CCDC88A: variants seen among roughly 807,000 people sequenced by gnomAD.
The protein encoded by CCDC88A is girdin.
CCDC88A carries 54 observed loss-of-function variants against 234.3 expected under a neutral mutation model. The ratio of observed to expected loss-of-function variants is 0.23; its 90% CI spans 0.19 to 0.29. The LOEUF is 0.29. Ranked by LOEUF, CCDC88A falls within the 10% of genes least tolerant of loss-of-function variation. The probability of loss-of-function intolerance (pLI) is 1.00; values close to 1 mark genes in which losing one functional copy is unlikely to be tolerated. For missense variants in CCDC88A, 1,832 were observed against 2,123.4 expected (o/e 0.86, Z 2.70); for synonymous variants, 753 against 737.8 (o/e 1.02, Z -0.33).
At chr2:55,319,994 T>C (rs1045161378) in intron 18 of CCDC88A, among the ~76,000 whole-genome samples, 1 of 152,156 alleles carries the variant, frequency 6.6e-6, no homozygotes, top group Non-Finnish European at 1.5e-5. Flanking sequence ...TTATATACAC[T>C]GCATGTCACT....
At position 55,289,781 on chromosome 2, in the gene CCDC88A, G is replaced by GAGAGAA. The variant is rs1679319603; in HGVS notation, c.*1418_*1419insTTCTCT. The GAGAGAA allele has an allele frequency of 1.0e-4, 1 of 9,892 alleles. No homozygotes were observed. The highest frequency in any genetic ancestry group is 1.1e-4 in the African/African-American group (1 of 9,254). The allele number at this position is 9,892 out of a possible 1,614,324, so 0.6% of individuals were successfully genotyped here. A position where few individuals can be genotyped will look rare whatever the true frequency, so the allele number is the denominator to read the frequency against. ...AGAGAAAGAGGGAGAGAGAAAGAGA[G>GAGAGAA]AGAGAGAGAGAGAGAGAGAGAGACT... is the stretch of plus-strand genomic sequence containing the variant. On this transcript the variant is annotated 3_prime_UTR_variant, in exon 33 of 33. Transcript: ENST00000436346.
At chr2:55,359,024 G>C (rs1012075598) in intron 7 of CCDC88A, among the ~76,000 whole-genome samples, 29 of 152,056 alleles carry the variant, frequency 1.9e-4, no homozygotes, top group African/African-American at 6.5e-4. Context: ...CTCTAACAAA[G>C]CTGACAGATA....
chr2:55,298,889 A>G (rs913627425), intron 29 of CCDC88A, among the ~76,000 whole-genome samples: 2 of 151,362 alleles, frequency 1.3e-5, no homozygotes, highest in Non-Finnish European at 2.9e-5. Flanking sequence ...AAAAAAAAAA[A>G]AAAACACAAA....
At position 55,335,243 on chromosome 2, in the gene CCDC88A, GA is replaced by G; in HGVS notation, c.1657-80del. On this transcript the variant is annotated intron_variant, in intron 14 of 32. Coordinates refer to ENST00000436346, the MANE Select transcript of CCDC88A (RefSeq NM_001365480.1). This position sits in a 1 kb window ranked among gnomAD's most constrained non-coding sequence, Gnocchi z 4.5. Reference sequence around the variant, plus strand: ...GTTTATCTCTTCCAAAAACTACCAAGAAAAGGGGAACAAAAAAAGGGTGCTA... The same window carrying G: ...GTTTATCTCTTCCAAAAACTACCAAGAAAGGGGAACAAAAAAAGGGTGCTA... 1.1e-6 allele frequency: 1 copy of G among 883,820 alleles called. No individual in the cohort carries two copies. 54.7% of individuals were successfully genotyped at this position (883,820 alleles called of 1,614,324 possible). A position where few individuals can be genotyped will look rare whatever the true frequency, so the allele number is the denominator to read the frequency against.
chr2:55,337,487 A>C (rs987208796), intron 13 of CCDC88A: 1 of 152,234 alleles, frequency 6.6e-6, no homozygotes, highest in Non-Finnish European at 1.5e-5. Context: ...TAAAAAATCA[A>C]GAAGACTTTA....
At chr2:55,384,708 G>T (rs1380159920) in intron 3 of CCDC88A, among the ~76,000 whole-genome samples, 1 of 149,436 alleles carries the variant, frequency 6.7e-6, no homozygotes, top group Non-Finnish European at 1.5e-5. Flanking sequence ...CCAGGCTGGA[G>T]TGTAGTGGTG....
intron 2 of CCDC88A, among the ~76,000 whole-genome samples, chr2:55,415,124 A>T (rs1033587539): frequency 1.3e-5 from 2 of 151,844 alleles, no homozygotes; most frequent in African/African-American, 4.8e-5. Context: ...AAGCAGTAAT[A>T]TAAGACTAGC....
At chr2:55,375,442 A>T (rs1226111213) in intron 3 of CCDC88A, among the ~76,000 whole-genome samples, 1 of 146,780 alleles carries the variant, frequency 6.8e-6, no homozygotes, top group East Asian at 2.0e-4. Context: ...CTAAAAATAC[A>T]TCAAATTTAT....
intron 25 of CCDC88A, 32 bp downstream of exon 25, chr2:55,308,777 C>T (rs779930755): frequency 6.6e-7 from 1 of 1,522,508 alleles, no homozygotes; most frequent in Non-Finnish European, 9.1e-7. Flanking sequence ...GATTCTAAAT[C>T]AATACGATGT....
At chr2:55,304,077 G>T (rs1185079144) in intron 25 of CCDC88A, among the ~76,000 whole-genome samples, 1 of 150,820 alleles carries the variant, frequency 6.6e-6, no homozygotes, top group African/African-American at 2.5e-5. Flanking sequence ...GGGAGGCCAA[G>T]GCAGGAGGAT....
At chr2:55,418,939 CACG>C (rs752694074) in intron 1 of CCDC88A, 23 bp from the exon 2 acceptor site, 1 of 1,607,592 alleles carries the variant, frequency 6.2e-7, no homozygotes, top group African/African-American at 1.3e-5. Flanking sequence ...GAAGGATCAC[CACG>C]ACATGAACGC....
intron 11 of CCDC88A, 70 bp downstream of exon 11, chr2:55,344,298 C>A (rs533613820): frequency 1.6e-5 from 18 of 1,144,798 alleles, no homozygotes; most frequent in African/African-American, 3.1e-5. Context: ...CTTGCCAATA[C>A]AGGGAAATCA....
intron 17 of CCDC88A, among the ~76,000 whole-genome samples, chr2:55,326,272 C>T (rs1282336114): frequency 1.3e-5 from 2 of 152,086 alleles, no homozygotes; most frequent in African/African-American, 4.8e-5. Flanking sequence ...CCGACCTCAG[C>T]CTTCCAAAGT....
At chr2:55,303,646 G>C (rs542934365) in intron 25 of CCDC88A, among the ~76,000 whole-genome samples, 1 of 152,254 alleles carries the variant, frequency 6.6e-6, no homozygotes, top group South Asian at 2.1e-4. Flanking sequence ...CTCCCAAAGT[G>C]CTGGGATTAC....
At chr2:55,380,128 C>T (rs900788912) in intron 3 of CCDC88A, among the ~76,000 whole-genome samples, 10 of 148,402 alleles carry the variant, frequency 6.7e-5, no homozygotes, top group Admixed American at 4.1e-4. Flanking sequence ...CCCAGCTACT[C>T]GGGAGGCTGA....
At chr2:55,373,672 T>C (rs892185506) in intron 4 of CCDC88A, among the ~76,000 whole-genome samples, 1 of 152,178 alleles carries the variant, frequency 6.6e-6, no homozygotes, top group African/African-American at 2.4e-5. Context: ...GTATGTACGA[T>C]GGGAAACAAT....
At chr2:55,301,745 C>T (rs1680925241) in intron 27 of CCDC88A, 127 bp downstream of exon 27, 2 of 776,224 alleles carry the variant, frequency 2.6e-6, no homozygotes, top group Non-Finnish European at 4.3e-6. Flanking sequence ...TCCTCCAAAT[C>T]CAATACAGAT....
rs577641748 is a variant in CCDC88A, at chr2:55,343,419, G to A, written c.1333+229C>T. On this transcript the variant is annotated intron_variant, in intron 12 of 32. Coordinates refer to ENST00000436346, the MANE Select transcript of CCDC88A (RefSeq NM_001365480.1). ...GATATTAACATGAAATAGTGGCTAA[G>A]AAACCAATTAAATCTGTTATTGCAT... Among the ~76,000 whole-genome samples the A allele has an allele frequency of 6.6e-5, 10 of 152,138 alleles. No individual in the cohort carries two copies. The South Asian group carries it at 1.9e-3, about 28-fold the overall frequency.
intron 28 of CCDC88A, 152 bp from the exon 29 acceptor site, chr2:55,300,071 A>G: frequency 1.7e-6 from 1 of 603,134 alleles, no homozygotes; most frequent in Non-Finnish European, 3.0e-6. Context: ...ATTTCCAGAT[A>G]GTTCATTGAG....
Sources: allele counts gnomAD v4.1 joint callset (sites outside exome capture counted in the v4.1 genomes callset), GRCh38; gene constraint gnomAD v4.1.1; non-coding constraint Gnocchi (gnomAD v3.1); transcripts MANE v1.5; gene names NCBI Gene and HGNC (gene_info 2026-07-23, HGNC 2026-07-21).